Variants in TTLL11 observed in about 807,000 individuals in gnomAD.
TTLL11 encodes tubulin polyglutamylase TTLL11.
In TTLL11, 42 loss-of-function variants were observed where a neutral mutation model predicts 51.7. The ratio of observed to expected loss-of-function variants is 0.81; its 90% CI spans 0.64 to 1.05. The LOEUF (loss-of-function observed/expected upper bound fraction) is 1.05. Among genes scored for constraint, TTLL11 ranks in the 50% least tolerant of loss-of-function variants. The pLI is 0.00. For missense variants in TTLL11, 799 were observed against 940.4 expected (o/e 0.85, Z 1.97); for synonymous variants, 381 against 383.5 (o/e 0.99, Z 0.08).
At chr9:122,032,520 T>C (rs1281263263) in intron 2 of TTLL11, among the ~76,000 whole-genome samples, 1 of 152,038 alleles carries the variant, frequency 6.6e-6, no homozygotes, top group East Asian at 1.9e-4. Flanking sequence ...CCAGAGGGAA[T>C]TGAAATGTCT....
At chr9:121,926,212 G>A (rs1222380668) in intron 6 of TTLL11, among the ~76,000 whole-genome samples, 1 of 152,176 alleles carries the variant, frequency 6.6e-6, no homozygotes, top group African/African-American at 2.4e-5. Flanking sequence ...CGGGGCTGGG[G>A]TGCACAGCCA....
At chr9:122,032,033 G>A (rs1844568492) in intron 2 of TTLL11, among the ~76,000 whole-genome samples, 177 bp from the exon 3 acceptor site, 1 of 152,206 alleles carries the variant, frequency 6.6e-6, no homozygotes, top group African/African-American at 2.4e-5. Flanking sequence ...AAGAACTACT[G>A]AGTTAATGAA....
chr9:121,906,183 C>G (rs903216601), intron 6 of TTLL11, among the ~76,000 whole-genome samples: 2 of 152,100 alleles, frequency 1.3e-5, no homozygotes, highest in Admixed American at 1.3e-4. Context: ...ATTTGTATCT[C>G]TAATTATTTT....
chr9:122,066,795 A>C (rs1035558499), intron 1 of TTLL11, among the ~76,000 whole-genome samples: 1 of 152,152 alleles, frequency 6.6e-6, no homozygotes, highest in African/African-American at 2.4e-5. Context: ...ACAAAGGAAG[A>C]AGGTTTGACT....
At chr9:121,897,254 C>T (rs772335417) in intron 6 of TTLL11, among the ~76,000 whole-genome samples, 2 of 152,080 alleles carry the variant, frequency 1.3e-5, no homozygotes, top group African/African-American at 2.4e-5. Context: ...TGCTTTTAGA[C>T]CTCATAACAA....
chr9:122,087,903 T>C (rs1846169691), intron 1 of TTLL11, among the ~76,000 whole-genome samples: 1 of 152,160 alleles, frequency 6.6e-6, no homozygotes, highest in African/African-American at 2.4e-5. Flanking sequence ...TATTTGAGAG[T>C]AACTCCAGTC....
chr9:121,941,793 C>T (rs549604483), intron 6 of TTLL11, among the ~76,000 whole-genome samples: 33 of 152,284 alleles, frequency 2.2e-4, no homozygotes, highest in African/African-American at 7.5e-4. Context: ...CGGATCAGTA[C>T]TCCTCTGTGT....
At chr9:121,840,083 A>G (rs1382770220) in intron 8 of TTLL11, among the ~76,000 whole-genome samples, 2 of 150,604 alleles carry the variant, frequency 1.3e-5, no homozygotes, top group Admixed American at 6.7e-5. Flanking sequence ...AGGGCACTGG[A>G]GCTGCATCGA....
chr9:121,899,661 C>T (rs1839697999), intron 6 of TTLL11, among the ~76,000 whole-genome samples: 1 of 152,084 alleles, frequency 6.6e-6, no homozygotes, highest in African/African-American at 2.4e-5. Context: ...GCCTCAGTCT[C>T]CCAAAGTGCT....
intron 6 of TTLL11, among the ~76,000 whole-genome samples, chr9:121,893,106 G>C (rs557396863): frequency 6.6e-6 from 1 of 152,204 alleles, no homozygotes; most frequent in South Asian, 2.1e-4. Context: ...ACTTATGCCT[G>C]ATACTTAATG....
chr9:122,056,191 GC>G (rs1351777054), intron 1 of TTLL11, among the ~76,000 whole-genome samples: 1 of 152,164 alleles, frequency 6.6e-6, no homozygotes, highest in Non-Finnish European at 1.5e-5. Context: ...ACTCGGCTTT[GC>G]CCCCTCCAAA....
intron 4 of TTLL11, among the ~76,000 whole-genome samples, chr9:121,983,072 C>T (rs1470128544): frequency 6.6e-6 from 1 of 152,086 alleles, no homozygotes; most frequent in Admixed American, 6.5e-5. Flanking sequence ...TGATGGCTGC[C>T]TAGACTGGGA....
chr9:121,930,355 T>C (rs1209088346), intron 6 of TTLL11, among the ~76,000 whole-genome samples: 3 of 152,244 alleles, frequency 2.0e-5, no homozygotes, highest in Non-Finnish European at 4.4e-5. Flanking sequence ...ATTTGAGCTC[T>C]TTTACTCAAA....
At chr9:122,017,007 T>C (rs574986178) in intron 3 of TTLL11, among the ~76,000 whole-genome samples, 3 of 152,194 alleles carry the variant, frequency 2.0e-5, no homozygotes, top group Admixed American at 6.5e-5. Context: ...CTGATCACAT[T>C]TGAGTACCGG....
chr9:121,938,757 T>C (rs1029981144), intron 6 of TTLL11, among the ~76,000 whole-genome samples: 3 of 149,576 alleles, frequency 2.0e-5, no homozygotes, highest in African/African-American at 7.5e-5. Context: ...TGACACCATT[T>C]GATATGCCTC....
intron 6 of TTLL11, among the ~76,000 whole-genome samples, chr9:121,917,272 C>A (rs1040887859): frequency 6.6e-6 from 1 of 151,526 alleles, no homozygotes; most frequent in African/African-American, 2.4e-5. Context: ...AGTTCGAGAC[C>A]GCCTAGGCAA....
At chr9:121,917,475 A>AAAGAAAAGAAAAG (rs1564303900) in intron 6 of TTLL11, among the ~76,000 whole-genome samples, 28 of 136,626 alleles carry the variant, frequency 2.0e-4, no homozygotes, top group African/African-American at 8.2e-4. Flanking sequence ...CACTGTTGAA[A>AAAGAAAAGAAAAG]GAAAGAAAAG....
chr9:122,092,351 C>A (rs1176929503), intron 1 of TTLL11, among the ~76,000 whole-genome samples: 1 of 152,110 alleles, frequency 6.6e-6, no homozygotes, highest in Non-Finnish European at 1.5e-5. Flanking sequence ...GGGTCCGGGG[C>A]CCCAGGGGCT....
intron 6 of TTLL11, among the ~76,000 whole-genome samples, chr9:121,875,785 T>A (rs1215146486): frequency 6.6e-6 from 1 of 152,242 alleles, no homozygotes; most frequent in East Asian, 1.9e-4. Context: ...TCAAGCTGAC[T>A]AGTCCTTTGG....
Sources: gnomAD v4.1 joint callset for allele counts (sites outside exome capture counted in the v4.1 genomes callset) on GRCh38, gnomAD v4.1.1 for gene constraint, MANE v1.5 for transcripts, NCBI Gene and HGNC (gene_info 2026-07-23, HGNC 2026-07-21) for gene names.